The following OTUD7A variants were observed in gnomAD, a reference collection of about 807,000 sequenced individuals.
OTUD7A encodes OTU deubiquitinase 7A, also known as OTU domain-containing protein 7A.
A neutral mutation model predicts 65.7 loss-of-function variants in OTUD7A; 12 were observed. The ratio of observed to expected loss-of-function variants is 0.18; its 90% CI spans 0.12 to 0.30. OTUD7A has a LOEUF of 0.30. Among genes scored for constraint, OTUD7A ranks in the 10% least tolerant of loss-of-function variants. OTUD7A has a pLI of 1.00. For synonymous variants in OTUD7A, 641 were observed against 586.3 expected, an observed-to-expected ratio of 1.09 and a Z score of -1.35; for missense variants, 1,148 against 1,304.8, an observed-to-expected ratio of 0.88 and a Z score of 1.85.
intron 3 of OTUD7A, among the ~76,000 whole-genome samples, chr15:31,613,002 C>A (rs1890477021): frequency 6.6e-6 from 1 of 152,098 alleles, no homozygotes; most frequent in Non-Finnish European, 1.5e-5. Flanking sequence ...ATACTTACAG[C>A]CAACTGATCT....
chr15:31,704,192 T>C (rs1166363712), intron 1 of OTUD7A, among the ~76,000 whole-genome samples: 3 of 123,622 alleles, frequency 2.4e-5, no homozygotes, highest in Admixed American at 9.5e-5. Flanking sequence ...AATGCTACCA[T>C]TGGGAGAAAA....
intron 1 of OTUD7A, among the ~76,000 whole-genome samples, chr15:31,784,283 A>G (rs1895614780): frequency 6.6e-6 from 1 of 152,218 alleles, no homozygotes; most frequent in African/African-American, 2.4e-5. Context: ...TGAAAAGTCA[A>G]CTGAAATACT....
chr15:31,656,388 A>G (rs1237888450), intron 2 of OTUD7A, among the ~76,000 whole-genome samples: 1 of 152,178 alleles, frequency 6.6e-6, no homozygotes, highest in African/African-American at 2.4e-5. Flanking sequence ...TTTGTAAATG[A>G]AGTTTTATGG....
chr15:31,583,568 G>T (rs910824091), intron 3 of OTUD7A, among the ~76,000 whole-genome samples: 6 of 151,870 alleles, frequency 4.0e-5, no homozygotes, highest in African/African-American at 1.5e-4. Context: ...TAAGTCTCAT[G>T]AGATTTGGTG....
chr15:31,704,742 T>TGCA (rs545455810), intron 1 of OTUD7A, among the ~76,000 whole-genome samples: 193 of 144,730 alleles, frequency 1.3e-3, no homozygotes, highest in African/African-American at 4.6e-3. Flanking sequence ...CCAAGGCCAT[T>TGCA]GCAAGCTGAC....
intron 1 of OTUD7A, among the ~76,000 whole-genome samples, chr15:31,687,687 C>T (rs1448782389): frequency 2.6e-5 from 4 of 152,160 alleles, no homozygotes; most frequent in African/African-American, 7.2e-5. Flanking sequence ...TCCTCTTGAC[C>T]ACCTCAGTAT....
chr15:31,646,071 TAAA>T (rs1891652840), intron 3 of OTUD7A, among the ~76,000 whole-genome samples: 1 of 152,228 alleles, frequency 6.6e-6, no homozygotes, highest in African/African-American at 2.4e-5. Context: ...TTTTTTATCT[TAAA>T]AAGTGTTTAA....
At chr15:31,789,655 T>C (rs35913740) in intron 1 of OTUD7A, among the ~76,000 whole-genome samples, 36,144 of 151,048 alleles carry the variant, frequency 0.24, 4,439 homozygotes, top group Admixed American at 0.29. Flanking sequence ...GCAAGAAAAA[T>C]TGCAGTTACT....
chr15:31,610,617 A>ATATATATATATATTTT, intron 3 of OTUD7A, among the ~76,000 whole-genome samples: 4 of 30,560 alleles, frequency 1.3e-4, no homozygotes, highest in African/African-American at 6.8e-4. Flanking sequence ...ATATATATAT[A>ATATATATATATATTTT]TTTTTTTTTT....
At chr15:31,774,973 T>G in intron 1 of OTUD7A, among the ~76,000 whole-genome samples, 1 of 15,948 alleles carries the variant, frequency 6.3e-5, no homozygotes. Context: ...ATTGAAAAGA[T>G]AGTTAAAAAA....
chr15:31,568,400 G>A (rs141590542), intron 4 of OTUD7A, among the ~76,000 whole-genome samples: 35 of 152,330 alleles, frequency 2.3e-4, no homozygotes, highest in African/African-American at 8.4e-4. Flanking sequence ...CTTTTGGAAT[G>A]GGAATGTTTA....
chr15:31,760,654 C>T (rs1388150407), intron 1 of OTUD7A, among the ~76,000 whole-genome samples: 1 of 152,102 alleles, frequency 6.6e-6, no homozygotes, highest in Non-Finnish European at 1.5e-5. Context: ...CAGATTCAAC[C>T]CAATCCCTTT....
intron 1 of OTUD7A, among the ~76,000 whole-genome samples, chr15:31,848,232 T>C (rs1293841047): frequency 6.6e-6 from 1 of 152,026 alleles, no homozygotes; most frequent in East Asian, 1.9e-4. Flanking sequence ...ACCAAAGGTG[T>C]CACACGAGAG....
At chr15:31,841,596 C>A (rs1039739659) in intron 1 of OTUD7A, among the ~76,000 whole-genome samples, 4 of 152,018 alleles carry the variant, frequency 2.6e-5, no homozygotes, top group African/African-American at 7.2e-5. Context: ...TGGAGTTGCA[C>A]GAACAAACAC....
At chr15:31,643,369 C>G (rs1380124808) in intron 3 of OTUD7A, among the ~76,000 whole-genome samples, 1 of 151,896 alleles carries the variant, frequency 6.6e-6, no homozygotes, top group East Asian at 1.9e-4. Context: ...TCTTCATGTT[C>G]ACTAACCTTT....
chr15:31,617,114 A>G (rs973137054), intron 3 of OTUD7A, among the ~76,000 whole-genome samples: 1 of 152,214 alleles, frequency 6.6e-6, no homozygotes, highest in African/African-American at 2.4e-5. Flanking sequence ...TGAGGATAAC[A>G]TCAGATTTTA....
intron 1 of OTUD7A, among the ~76,000 whole-genome samples, chr15:31,862,914 T>C (rs1317641483): frequency 6.6e-6 from 1 of 152,190 alleles, no homozygotes; most frequent in African/African-American, 2.4e-5. Context: ...TATGAGCCTG[T>C]AAAATCAAAA....
intron 3 of OTUD7A, among the ~76,000 whole-genome samples, chr15:31,620,671 G>C (rs1436686182): frequency 1.7e-5 from 2 of 119,058 alleles, no homozygotes; most frequent in African/African-American, 4.8e-5. Context: ...TTCTTTATTA[G>C]TCTTGCTAGC....
intron 3 of OTUD7A, among the ~76,000 whole-genome samples, chr15:31,616,033 C>G (rs978949845): frequency 6.6e-6 from 1 of 152,236 alleles, no homozygotes; most frequent in African/African-American, 2.4e-5. Context: ...TCTCCCACCC[C>G]CTCAGGATGG....
Sources: gnomAD v4.1 joint callset for allele counts (sites outside exome capture counted in the v4.1 genomes callset) on GRCh38, gnomAD v4.1.1 for gene constraint, MANE v1.5 for transcripts, NCBI Gene and HGNC (gene_info 2026-07-23, HGNC 2026-07-21) for gene names.